Variants in COL13A1 observed in about 807,000 individuals in gnomAD.
COL13A1 encodes the protein collagen type XIII alpha 1 chain.
In COL13A1, 89 loss-of-function variants were observed where a neutral mutation model predicts 130.9. The ratio of observed to expected loss-of-function variants is 0.68; its 90% CI spans 0.57 to 0.81. The LOEUF is 0.81. COL13A1 is among the 30% of genes least tolerant of loss of function. The pLI, the probability that COL13A1 is intolerant of heterozygous loss-of-function variation, is 0.00. For missense variants in COL13A1, 879 were observed against 934.6 expected (o/e 0.94, Z 0.78); for synonymous variants, 402 against 341.6 (o/e 1.18, Z -1.95).
rs1411147156 is a variant in COL13A1, at chr10:69,850,420, AG to A, written c.365-17376del. On this transcript the variant is annotated intron_variant, in intron 2 of 40. Transcript: ENST00000645393. ...CAATCCTCTTAAGAGACATCAGGAG[AG>A]GACCTGGAGCCACACGTTAAACTGC... Among the ~76,000 whole-genome samples the A allele has an allele frequency of 7.8e-3, 132 of 16,892 alleles. 5 individuals are homozygous for A. The highest frequency in any genetic ancestry group is 0.015 in the African/African-American group (122 of 8,200). 11.1% of individuals were successfully genotyped at this position (16,892 alleles called of 152,430 possible). A position where few individuals can be genotyped will look rare whatever the true frequency, so the allele number is the denominator to read the frequency against.
intron 2 of COL13A1, among the ~76,000 whole-genome samples, chr10:69,825,116 C>A: frequency 6.6e-6 from 1 of 152,204 alleles, no homozygotes; most frequent in East Asian, 1.9e-4. Context: ...CCCACTTGAG[C>A]ACCTACTATG....
chr10:69,809,839 C>A (rs117318876), intron 1 of COL13A1, among the ~76,000 whole-genome samples: 3,070 of 152,306 alleles, frequency 0.02, 44 homozygotes, highest in South Asian at 0.043. Flanking sequence ...AAGCCCTTGT[C>A]CAGTCTTGGC....
intron 2 of COL13A1, among the ~76,000 whole-genome samples, chr10:69,866,064 A>C (rs180856029): frequency 6.6e-6 from 1 of 152,338 alleles, no homozygotes; most frequent in Admixed American, 6.5e-5. Flanking sequence ...TGGTGGTGGC[A>C]GTGGTGGTGA....
Position 69,925,696 on chromosome 10 carries a change from C to T in COL13A1, c.1330-108C>T, listed in dbSNP as rs1158997382. On this transcript the variant is annotated intron_variant, in intron 25 of 40. Coordinates refer to ENST00000645393, the MANE Select transcript of COL13A1 (RefSeq NM_001368882.1). ...GCCCCGCTGGCTGTTCTGGGTCCAC[C>T]CATGTGCAGCTAGGTGCAGCCAGTG... 4 of 769,882 alleles carry T rather than the reference C, an allele frequency of 5.2e-6. No individual in the cohort carries two copies. The Admixed American group carries it at 6.5e-5, about 13-fold the overall frequency. The allele number at this position is 769,882 out of a possible 1,614,324, so 47.7% of individuals were successfully genotyped here.
At chr10:69,917,558 A>G (rs538495149) in intron 18 of COL13A1, among the ~76,000 whole-genome samples, 91 of 152,174 alleles carry the variant, frequency 6.0e-4, no homozygotes, top group African/African-American at 2.0e-3. Flanking sequence ...CTCAGGTACC[A>G]CTAGCTCCAC....
chr10:69,802,647 TG>T lies in COL13A1; in HGVS notation c.226del (p.Glu76LysfsTer72). ...GAGCTGCAGGCCCGGGTGCTGCGCC[TG>T]GAAGCGGAGCGCGGGGAGCAGCAAA... The part of the protein sequence containing the change: ...TAELQARVLR[L>X]EAERGEQQME... On this transcript the variant is annotated frameshift_variant, in exon 1 of 41. Coordinates refer to ENST00000645393, the MANE Select transcript of COL13A1 (RefSeq NM_001368882.1). LOFTEE classifies it high-confidence loss of function. 1 of 1,613,394 alleles carries T rather than the reference TG, an allele frequency of 6.2e-7. No homozygotes were observed. Among genetic ancestry groups the T allele is most frequent in the Non-Finnish European group, 8.5e-7 (1 of 1,179,542 alleles).
chr10:69,893,202 G>C (rs2061348917), intron 10 of COL13A1, among the ~76,000 whole-genome samples: 1 of 152,228 alleles, frequency 6.6e-6, no homozygotes, highest in African/African-American at 2.4e-5. Context: ...AAATGCAAGA[G>C]TTAGCCAAGC....
intron 35 of COL13A1, among the ~76,000 whole-genome samples, chr10:69,943,742 C>T (rs1026418721): frequency 2.6e-5 from 4 of 152,186 alleles, no homozygotes; most frequent in Admixed American, 6.5e-5. Context: ...AAGACCCTCC[C>T]GCTGCATGTG....
chr10:69,936,924 C>T lies in COL13A1; in HGVS notation c.1797+142C>T, dbSNP rs2067003942. 1.0e-5 allele frequency: 9 copies of T among 869,394 alleles called. No individual in the cohort carries two copies. The East Asian group carries it at 1.3e-4, about 13-fold the overall frequency. 53.9% of individuals were successfully genotyped at this position (869,394 alleles called of 1,614,324 possible). A position where few individuals can be genotyped will look rare whatever the true frequency, so the allele number is the denominator to read the frequency against. ...GGGTCCAGTCAGGGCAGGAGGAAGTCCTAGATTCCCTTTAGCATCCATCAT... is the reference window on the plus strand; with the variant it reads ...GGGTCCAGTCAGGGCAGGAGGAAGTTCTAGATTCCCTTTAGCATCCATCAT... On this transcript the variant is annotated intron_variant, in intron 33 of 40. Coordinates refer to ENST00000645393, the MANE Select transcript of COL13A1 (RefSeq NM_001368882.1).
In COL13A1 at chr10:69,880,498, C is replaced by A; in HGVS notation, c.463-5C>A. 1.2e-6 allele frequency: 2 copies of A among 1,604,834 alleles called. No homozygotes were observed. The highest frequency in any genetic ancestry group is 1.7e-6 in the Non-Finnish European group (2 of 1,171,860). The stretch of plus-strand genomic sequence containing the variant: ...CTCCCTCTCCCCCTTCCTCTCTCCC[C>A]GCAGGGGTCCCCCGGAGACGCTGGG... On this transcript the variant is annotated splice_region_variant and splice_polypyrimidine_tract_variant and intron_variant, in intron 6 of 40. Coordinates refer to ENST00000645393, the MANE Select transcript of COL13A1 (RefSeq NM_001368882.1).
chr10:69,844,551 T>C (rs889466529), intron 2 of COL13A1, among the ~76,000 whole-genome samples: 4 of 152,128 alleles, frequency 2.6e-5, no homozygotes, highest in African/African-American at 9.7e-5. Context: ...CCTTGGGCCA[T>C]TGTAAGGATT....
intron 14 of COL13A1, 40 bp downstream of exon 14, chr10:69,898,802 C>G: frequency 6.4e-7 from 1 of 1,551,494 alleles, no homozygotes; most frequent in Admixed American, 1.8e-5. Context: ...TGTGGTTTCC[C>G]AAGGGGCCCG....
At chr10:69,943,528 C>G (rs1313672053) in intron 35 of COL13A1, among the ~76,000 whole-genome samples, 5 of 152,158 alleles carry the variant, frequency 3.3e-5, no homozygotes, top group Non-Finnish European at 5.9e-5. Context: ...CCCTGCCAGG[C>G]CGGTGTCGGT....
At chr10:69,875,303 T>A in intron 5 of COL13A1, 140 bp downstream of exon 5, 1 of 1,010,808 alleles carries the variant, frequency 9.9e-7, no homozygotes, top group Non-Finnish European at 1.5e-6. Context: ...AGCCCCAGTG[T>A]GCTTTAGGGA....
In COL13A1 at chr10:69,937,761, G is replaced by A. The variant is rs1433514481; in HGVS notation, c.1878+46G>A. ...AAGACTGGTGGGTTTGATGGGCCAGGGGTGTGGGCTGGGACTGGGGGACAG... is the reference window on the plus strand; with the variant it reads ...AAGACTGGTGGGTTTGATGGGCCAGAGGTGTGGGCTGGGACTGGGGGACAG... On this transcript the variant is annotated intron_variant, in intron 34 of 40. Transcript: ENST00000645393. The A allele has an allele frequency of 6.0e-6, 5 of 836,888 alleles. No individual in the cohort carries two copies. In the Admixed American group the frequency reaches 7.2e-5, roughly 12 times the overall value. 51.8% of individuals were successfully genotyped at this position (836,888 alleles called of 1,614,324 possible). A position where few individuals can be genotyped will look rare whatever the true frequency, so the allele number is the denominator to read the frequency against.
Position 69,888,425 on chromosome 10 carries a change from T to G in COL13A1, c.576+95T>G, listed in dbSNP as rs77830427. On this transcript the variant is annotated intron_variant, in intron 9 of 40. Transcript: ENST00000645393. ...ATTGAATCCTTGGAAAATGCTTTAC[T>G]TAGAAAGAAAAGTCCTGGGGCTGAA... 4.8e-3 allele frequency: 7,347 copies of G among 1,520,058 alleles called. 293 individuals carry two copies. In the African/African-American group the frequency reaches 0.089, roughly 18 times the overall value. The allele number at this position is 1,520,058 out of a possible 1,614,324, so 94.2% of individuals were successfully genotyped here.
At chr10:69,939,272 C>T (rs1180661911) in intron 34 of COL13A1, among the ~76,000 whole-genome samples, 2 of 152,154 alleles carry the variant, frequency 1.3e-5, no homozygotes, top group South Asian at 4.1e-4. Context: ...CTGACTGTTG[C>T]CTTGGAGGAA....
Position 69,894,537 on chromosome 10 carries a change from G to C in COL13A1, c.604-15G>C. On this transcript the variant is annotated splice_polypyrimidine_tract_variant and intron_variant, in intron 10 of 40. Coordinates refer to ENST00000645393, the MANE Select transcript of COL13A1 (RefSeq NM_001368882.1). ...TCTGTCTGCCCACTGACCTGTGTGT[G>C]TTTGCTTCCCACAGGGTCTGACGGG... 6.2e-7 allele frequency: 1 copy of C among 1,613,810 alleles called. No individual in the cohort carries two copies. The highest frequency in any genetic ancestry group is 1.1e-5 in the South Asian group (1 of 91,070).
intron 2 of COL13A1, among the ~76,000 whole-genome samples, chr10:69,855,095 C>A (rs1856029163): frequency 6.6e-6 from 1 of 152,192 alleles, no homozygotes; most frequent in Non-Finnish European, 1.5e-5. Flanking sequence ...GGTGTTTACA[C>A]CTGTAAGTTA....
Sources: gnomAD v4.1 joint callset for allele counts (sites outside exome capture counted in the v4.1 genomes callset) on GRCh38, gnomAD v4.1.1 for gene constraint, MANE v1.5 for transcripts, NCBI Gene and HGNC (gene_info 2026-07-23, HGNC 2026-07-21) for gene names.